MBP: variants seen among roughly 807,000 people sequenced by gnomAD.
MBP encodes myelin basic protein, also known as Golli-MBP.
In MBP, 16 loss-of-function variants were observed where a neutral mutation model predicts 35.8. The observed-to-expected ratio is 0.45, with a 90% CI of 0.30 to 0.68. MBP has a LOEUF of 0.68. MBP is among the 30% of genes least tolerant of loss of function. The pLI is 0.08. For synonymous variants in MBP, 143 were observed against 159.6 expected (o/e 0.90, Z 0.78); for missense variants, 380 against 404.7 (o/e 0.94, Z 0.52).
intron 2 of MBP, among the ~76,000 whole-genome samples, chr18:77,090,470 C>T (rs1975462579): frequency 6.6e-6 from 1 of 152,186 alleles, no homozygotes; most frequent in Non-Finnish European, 1.5e-5. Context: ...CACACCAATC[C>T]AATCTCCTCC....
intron 1 of MBP, among the ~76,000 whole-genome samples, chr18:77,119,557 A>G (rs1036466111): frequency 3.3e-5 from 5 of 152,158 alleles, no homozygotes; most frequent in Admixed American, 1.3e-4. Flanking sequence ...TGTCAAGTGG[A>G]TGAGAGAATG....
intron 1 of MBP, chr18:77,115,848 C>G (rs1011720894): frequency 4.6e-5 from 7 of 152,184 alleles, no homozygotes; most frequent in African/African-American, 9.7e-5. Flanking sequence ...CCTTTCAGAA[C>G]CTTCTGGAAT....
At chr18:77,123,409 A>T (rs932905289) in intron 1 of MBP, among the ~76,000 whole-genome samples, 2 of 152,360 alleles carry the variant, frequency 1.3e-5, no homozygotes, top group East Asian at 3.9e-4. Context: ...TGCAAATTCA[A>T]TTTATCAGTG....
In MBP at chr18:76,997,827, C is replaced by CG. The variant is rs778477369; in HGVS notation, c.577-7768_577-7767insC. 6.4e-4 allele frequency among the ~76,000 whole-genome samples: 98 copies of CG among 152,200 alleles called. 1 individual carries two copies. Among genetic ancestry groups the CG allele is most frequent in the African/African-American group, 1.8e-3 (74 of 41,530 alleles). On this transcript the variant is annotated intron_variant, in intron 4 of 8. Coordinates refer to ENST00000355994, the MANE Select transcript of MBP (RefSeq NM_001025101.2). Reference sequence around the variant, plus strand: ...CCTCCCGAGTAGCTGGGACTAGAGGCTCCGCCACCACGCCCGGCTGATTTT... The same window carrying CG: ...CCTCCCGAGTAGCTGGGACTAGAGGCGTCCGCCACCACGCCCGGCTGATTTT...
intron 4 of MBP, among the ~76,000 whole-genome samples, chr18:77,010,816 CTAT>C (rs1232476200): frequency 1.3e-5 from 2 of 152,164 alleles, no homozygotes; most frequent in Non-Finnish European, 2.9e-5. Flanking sequence ...AGTTGAAAGA[CTAT>C]TATTATAGGA....
intron 2 of MBP, among the ~76,000 whole-genome samples, chr18:77,103,084 A>G (rs1182033871): frequency 6.6e-6 from 1 of 152,210 alleles, no homozygotes; most frequent in Non-Finnish European, 1.5e-5. Context: ...ACTGTTTATC[A>G]CTTTAATCAA....
intron 1 of MBP, among the ~76,000 whole-genome samples, chr18:77,123,920 C>G (rs1178791397): frequency 6.6e-6 from 1 of 152,226 alleles, no homozygotes; most frequent in Non-Finnish European, 1.5e-5. Context: ...TTCTCTGTCT[C>G]TCTGGGTTGG....
chr18:77,028,124 A>AGAG (rs1167671868), intron 3 of MBP, among the ~76,000 whole-genome samples: 1 of 149,132 alleles, frequency 6.7e-6, no homozygotes, highest in Non-Finnish European at 1.5e-5. Context: ...TTTCCTAGGC[A>AGAG]GAGGACCCTG....
intron 4 of MBP, chr18:77,013,372 A>C: frequency 1.0e-6 from 1 of 985,436 alleles, no homozygotes. Context: ...TGTATCCTTC[A>C]TGTGTCTCCA....
At chr18:77,097,438 C>T (rs1389425080) in intron 2 of MBP, 1 of 152,240 alleles carries the variant, frequency 6.6e-6, no homozygotes, top group African/African-American at 2.4e-5. Flanking sequence ...GCCACTGACA[C>T]TCTTTTCCGC....
At chr18:77,099,510 T>C (rs931407409) in intron 2 of MBP, among the ~76,000 whole-genome samples, 5 of 152,270 alleles carry the variant, frequency 3.3e-5, no homozygotes, top group Non-Finnish European at 7.3e-5. Flanking sequence ...TGATTTCCCC[T>C]GTCTCTTTCC....
intron 4 of MBP, among the ~76,000 whole-genome samples, chr18:76,997,271 C>A (rs1970322984): frequency 6.6e-6 from 1 of 152,236 alleles, no homozygotes; most frequent in African/African-American, 2.4e-5. Flanking sequence ...ACCAGAGGAA[C>A]AAAAGCCTTC....
Position 77,131,083 on chromosome 18 carries a change from GCGCACA to G in MBP, c.-26+1491_-26+1496del, listed in dbSNP as rs1202643885. ...AAAACACACACACGCGCGCACGCAC[GCGCACA>G]CACACACACACACACACACACACAC... is the stretch of plus-strand genomic sequence containing the variant. On this transcript the variant is annotated intron_variant, in intron 1 of 8. Coordinates refer to ENST00000355994, the MANE Select transcript of MBP (RefSeq NM_001025101.2). The surrounding 1 kb of genome is among the most constrained non-coding windows in gnomAD (Gnocchi z 5.5). 2.2e-3 allele frequency among the ~76,000 whole-genome samples: 98 copies of G among 43,694 alleles called. 1 individual carries two copies. The highest frequency in any genetic ancestry group is 0.016 in the South Asian group (18 of 1,092). 28.7% of individuals were successfully genotyped at this position (43,694 alleles called of 152,430 possible).
Position 77,131,241 on chromosome 18 carries a change from TGGCC to T in MBP, c.-26+1335_-26+1338del, listed in dbSNP as rs1164073241. On this transcript the variant is annotated intron_variant, in intron 1 of 8. Coordinates refer to ENST00000355994, the MANE Select transcript of MBP (RefSeq NM_001025101.2). This position sits in a 1 kb window ranked among gnomAD's most constrained non-coding sequence, Gnocchi z 5.5. ...CTAAGGAGGTGCTCATCACTGGAGG[TGGCC>T]GCCAGGGAGCTCAGTGCGGGACCTG... Among the ~76,000 whole-genome samples, 1 of 151,872 alleles carries T rather than the reference TGGCC, an allele frequency of 6.6e-6. No individual in the cohort carries two copies.
chr18:76,995,040 T>C (rs1478040468), intron 4 of MBP, among the ~76,000 whole-genome samples: 1 of 152,216 alleles, frequency 6.6e-6, no homozygotes, highest in Non-Finnish European at 1.5e-5. Context: ...TTTAGTCAAT[T>C]ATATATCTAC....
intron 1 of MBP, among the ~76,000 whole-genome samples, chr18:77,118,244 G>A (rs1472504828): frequency 6.6e-6 from 1 of 151,104 alleles, no homozygotes; most frequent in Non-Finnish European, 1.5e-5. Flanking sequence ...GGGGTCAGTG[G>A]GTTCGGGAGC....
chr18:77,036,423 T>C (rs1254367013), intron 3 of MBP, among the ~76,000 whole-genome samples: 1 of 137,618 alleles, frequency 7.3e-6, no homozygotes, highest in Admixed American at 7.0e-5. Context: ...GCTGAGCAAG[T>C]GCTGGTCACA....
intron 3 of MBP, among the ~76,000 whole-genome samples, chr18:77,051,598 C>T (rs1017847951): frequency 2.0e-5 from 3 of 152,184 alleles, no homozygotes; most frequent in Non-Finnish European, 2.9e-5. Context: ...ACCCGATTTT[C>T]ACTGAACTCT....
chr18:77,132,870 C>G (rs1216585899), upstream of MBP: 1 of 151,876 alleles, frequency 6.6e-6, no homozygotes, highest in Non-Finnish European at 1.5e-5. Flanking sequence ...AAACACAGGC[C>G]GATCCCGCCG....
Sources: allele counts gnomAD v4.1 joint callset (sites outside exome capture counted in the v4.1 genomes callset), GRCh38; gene constraint gnomAD v4.1.1; non-coding constraint Gnocchi (gnomAD v3.1); transcripts MANE v1.5; gene names NCBI Gene and HGNC (gene_info 2026-07-23, HGNC 2026-07-21).